The following REDIC1 variants were observed in gnomAD, a reference collection of about 807,000 sequenced individuals.
The protein encoded by REDIC1 is HEI10 Interacting Protein 1.
the REDIC1 span, among the ~76,000 whole-genome samples, chr12:39,881,273 C>T: frequency 6.6e-6 from 1 of 151,786 alleles, no homozygotes; most frequent in African/African-American, 2.4e-5. Flanking sequence ...TCTTTCAGTT[C>T]TGGTTTACTT....
the REDIC1 span, among the ~76,000 whole-genome samples, chr12:39,706,408 C>A: frequency 6.6e-6 from 1 of 151,928 alleles, no homozygotes; most frequent in Non-Finnish European, 1.5e-5. Flanking sequence ...TCAATGCAAT[C>A]ACTATCAAAA....
At chr12:39,708,567 C>A in the REDIC1 span, among the ~76,000 whole-genome samples, 3 of 151,638 alleles carry the variant, frequency 2.0e-5, no homozygotes, top group Non-Finnish European at 4.4e-5. Flanking sequence ...AAATTTAGTT[C>A]TTTAATCCAT....
chr12:39,637,646 A>G, the REDIC1 span, among the ~76,000 whole-genome samples: 1 of 152,094 alleles, frequency 6.6e-6, no homozygotes, highest in Non-Finnish European at 1.5e-5. Flanking sequence ...CATAAAATCA[A>G]AGAGACCATT....
the REDIC1 span, among the ~76,000 whole-genome samples, chr12:39,714,229 ATATATG>A: frequency 6.9e-6 from 1 of 145,788 alleles, no homozygotes; most frequent in African/African-American, 2.5e-5. Context: ...ATATGCATGC[ATATATG>A]TATATATGTA....
chr12:39,711,435 ATATG>A, the REDIC1 span, among the ~76,000 whole-genome samples: 1 of 71,694 alleles, frequency 1.4e-5, no homozygotes, highest in Admixed American at 1.7e-4. Flanking sequence ...GTGTATATGT[ATATG>A]TGTGTACATA....
the REDIC1 span, among the ~76,000 whole-genome samples, chr12:39,654,152 T>C: frequency 5.3e-5 from 8 of 152,164 alleles, no homozygotes; most frequent in Non-Finnish European, 7.4e-5. Flanking sequence ...TTCTAGAGCA[T>C]TGAGAGTTTT....
chr12:39,710,924 G>C, the REDIC1 span, among the ~76,000 whole-genome samples: 1 of 150,968 alleles, frequency 6.6e-6, no homozygotes, highest in Non-Finnish European at 1.5e-5. Context: ...AAGTTATTGG[G>C]GTAAAGGTGG....
the REDIC1 span, among the ~76,000 whole-genome samples, chr12:39,737,631 T>A: frequency 6.6e-6 from 1 of 152,338 alleles, no homozygotes; most frequent in South Asian, 2.1e-4. Flanking sequence ...GGAAGTTGAA[T>A]AAATTAATAA....
chr12:39,804,597 A>G, the REDIC1 span, among the ~76,000 whole-genome samples: 1 of 152,158 alleles, frequency 6.6e-6, no homozygotes, highest in Admixed American at 6.6e-5. Context: ...AAGGGGACAC[A>G]GATTGGTTAA....
the REDIC1 span, among the ~76,000 whole-genome samples, chr12:39,701,943 T>C: frequency 6.6e-6 from 1 of 151,810 alleles, no homozygotes; most frequent in South Asian, 2.1e-4. Flanking sequence ...TAAAGCAGTG[T>C]GTAGGGGGAA....
the REDIC1 span, among the ~76,000 whole-genome samples, chr12:39,798,561 A>G: frequency 2.0e-5 from 3 of 152,230 alleles, no homozygotes; most frequent in Admixed American, 1.3e-4. Flanking sequence ...GAGCGCTTCA[A>G]CTGTTTCTAA....
chr12:39,719,613 CA>C, the REDIC1 span, among the ~76,000 whole-genome samples: 1 of 150,846 alleles, frequency 6.6e-6, no homozygotes, highest in Admixed American at 6.6e-5. Flanking sequence ...GACCCTGTCT[CA>C]AAAAAATAAA....
chr12:39,716,979 A>AT, the REDIC1 span: 2 of 482,248 alleles, frequency 4.1e-6, no homozygotes, highest in Admixed American at 9.1e-5. Context: ...AAGGTAAAAA[A>AT]TTTTAAAAAG....
chr12:39,697,795 C>T, the REDIC1 span, among the ~76,000 whole-genome samples: 1 of 151,900 alleles, frequency 6.6e-6, no homozygotes, highest in Admixed American at 6.6e-5. Context: ...TAAATTATGT[C>T]ACCAGAGAAA....
chr12:39,876,810 T>C, the REDIC1 span, among the ~76,000 whole-genome samples: 5 of 152,188 alleles, frequency 3.3e-5, no homozygotes, highest in Non-Finnish European at 7.4e-5. Flanking sequence ...GAACATACTC[T>C]TCCTGACAAG....
chr12:39,685,942 C>G, the REDIC1 span, among the ~76,000 whole-genome samples: 27 of 152,204 alleles, frequency 1.8e-4, no homozygotes, highest in African/African-American at 6.5e-4. Context: ...AATCTTAAAG[C>G]TCCAAAATAA....
the REDIC1 span, among the ~76,000 whole-genome samples, chr12:39,744,413 TAA>T: frequency 1.3e-5 from 2 of 152,176 alleles, no homozygotes; most frequent in African/African-American, 2.4e-5. Context: ...TAAGCGAAGA[TAA>T]GTTAAAATTA....
chr12:39,670,442 T>C, the REDIC1 span, among the ~76,000 whole-genome samples: 4 of 152,180 alleles, frequency 2.6e-5, no homozygotes, highest in Non-Finnish European at 5.9e-5. Flanking sequence ...CTGCCCACTT[T>C]GGCCTCCCAA....
chr12:39,683,075 A>AT, the REDIC1 span: 2 of 1,612,818 alleles, frequency 1.2e-6, no homozygotes, highest in Middle Eastern at 1.6e-4. Flanking sequence ...TATAACAAAA[A>AT]TGAAAGAAAT....
Sources: allele counts gnomAD v4.1 joint callset (sites outside exome capture counted in the v4.1 genomes callset), GRCh38; gene constraint gnomAD v4.1.1; transcripts MANE v1.5; gene names NCBI Gene and HGNC (gene_info 2026-07-23, HGNC 2026-07-21).